MAML2: variants seen among roughly 807,000 people sequenced by gnomAD.
The protein encoded by MAML2 is mastermind like transcriptional coactivator 2.
MAML2 carries 22 observed loss-of-function variants against 96.1 expected under a neutral mutation model. The ratio of observed to expected loss-of-function variants is 0.23; its 90% CI spans 0.16 to 0.33. MAML2 has a LOEUF of 0.33. MAML2 is among the 10% of genes least tolerant of loss of function. The pLI, the probability that MAML2 is intolerant of heterozygous loss-of-function variation, is 1.00. For missense variants in MAML2, 1,367 were observed against 1,392.4 expected (o/e 0.98, Z 0.29); for synonymous variants, 561 against 521.3 (o/e 1.08, Z -1.04).
At chr11:96,198,404 A>G (rs565877901) in intron 1 of MAML2, among the ~76,000 whole-genome samples, 12 of 152,296 alleles carry the variant, frequency 7.9e-5, no homozygotes, top group East Asian at 3.9e-4. Flanking sequence ...TGTCCTCCCT[A>G]TGTCTTTTCT....
At chr11:96,322,005 T>C (rs1195002379) in intron 1 of MAML2, among the ~76,000 whole-genome samples, 1 of 152,152 alleles carries the variant, frequency 6.6e-6, no homozygotes, top group East Asian at 1.9e-4. Context: ...ACAGCTAAAT[T>C]GCTTTTGGTA....
intron 2 of MAML2, among the ~76,000 whole-genome samples, chr11:96,081,535 C>T (rs575032905): frequency 6.6e-6 from 1 of 152,202 alleles, no homozygotes; most frequent in South Asian, 2.1e-4. Context: ...CTTCTGTATT[C>T]CCACATTCTT....
chr11:96,093,668 G>T, intron 1 of MAML2, 151 bp from the exon 2 acceptor site: 1 of 614,820 alleles, frequency 1.6e-6, no homozygotes, highest in Non-Finnish European at 2.8e-6. Context: ...CACAAATGAA[G>T]CACAATCTGG....
intron 1 of MAML2, among the ~76,000 whole-genome samples, chr11:96,240,109 C>T (rs1281963957): frequency 6.6e-6 from 1 of 152,128 alleles, no homozygotes; most frequent in Non-Finnish European, 1.5e-5. Context: ...AAGACAAAAG[C>T]TAAACAAAAG....
chr11:96,280,200 G>C (rs1863045323), intron 1 of MAML2, among the ~76,000 whole-genome samples: 1 of 152,084 alleles, frequency 6.6e-6, no homozygotes, highest in Admixed American at 6.5e-5. Context: ...CTGTGTAGTT[G>C]GTAGGTGGAA....
Position 96,341,589 on chromosome 11 carries a change from T to C in MAML2, c.307A>G (p.Thr103Ala). The C allele has an allele frequency of 1.9e-6, 3 of 1,551,544 alleles. No homozygotes were observed. The highest frequency in any genetic ancestry group is 2.6e-6 in the Non-Finnish European group (3 of 1,147,030). Residue 103 changes from threonine (T) to alanine (A), a missense_variant, in exon 1 of 5, where the codon ACA (threonine) becomes GCA (alanine). Coordinates refer to ENST00000524717, the MANE Select transcript of MAML2 (RefSeq NM_032427.4). ...TKATATAATTTAPPPPPAAPP... is the reference protein window; with the variant it reads ...TKATATAATTAAPPPPPAAPP... ...GCAGCAGGGGGCGGTGGAGGGGCTG[T>C]AGTGGTGGCAGCAGTGGCGGTGGCC...
chr11:96,299,044 C>CAAAAAA (rs71040142), intron 1 of MAML2, among the ~76,000 whole-genome samples: 3 of 80,810 alleles, frequency 3.7e-5, no homozygotes, highest in African/African-American at 1.6e-4. Context: ...GAGTCCATCT[C>CAAAAAA]AAAAAAAAAA....
chr11:95,993,146 G>A (rs1591081138), intron 2 of MAML2, among the ~76,000 whole-genome samples: 1 of 150,712 alleles, frequency 6.6e-6, no homozygotes, highest in African/African-American at 2.4e-5. Flanking sequence ...AAGGGCTCAA[G>A]TGATCCTAGA....
At chr11:96,262,603 G>A (rs909926202) in intron 1 of MAML2, among the ~76,000 whole-genome samples, 5 of 152,094 alleles carry the variant, frequency 3.3e-5, no homozygotes, top group Non-Finnish European at 5.9e-5. Context: ...GAGTAGCTGG[G>A]ACTACAGGCA....
intron 1 of MAML2, among the ~76,000 whole-genome samples, chr11:96,331,520 G>A (rs916540984): frequency 6.6e-6 from 1 of 151,982 alleles, no homozygotes; most frequent in Non-Finnish European, 1.5e-5. Flanking sequence ...TTTAAGGCCA[G>A]GCGCAGTGCC....
rs1278423657 is a variant in MAML2, at chr11:96,113,734, A to T, written c.514-20217T>A. ...AATCCAGGGTGTTTGGCCCCTAGGG[A>T]ACATAGACTACTCTCTCCCCCATCT... On this transcript the variant is annotated intron_variant, in intron 1 of 4. Coordinates refer to ENST00000524717, the MANE Select transcript of MAML2 (RefSeq NM_032427.4). Among the ~76,000 whole-genome samples the T allele has an allele frequency of 9.9e-5, 15 of 152,144 alleles. No homozygotes were observed. In the East Asian group the frequency reaches 2.9e-3, roughly 29 times the overall value.
intron 1 of MAML2, among the ~76,000 whole-genome samples, chr11:96,316,911 A>C (rs1025938510): frequency 1.3e-5 from 2 of 151,994 alleles, no homozygotes; most frequent in Non-Finnish European, 2.9e-5. Context: ...AAATGATCCA[A>C]TGGCACATAG....
intron 1 of MAML2, among the ~76,000 whole-genome samples, chr11:96,215,270 G>A (rs1766211773): frequency 6.6e-6 from 1 of 152,304 alleles, no homozygotes; most frequent in Non-Finnish European, 1.5e-5. Context: ...GCTGGGGCAG[G>A]TTGCTGGGTT....
At chr11:96,071,651 T>C (rs1276616063) in intron 2 of MAML2, among the ~76,000 whole-genome samples, 1 of 152,266 alleles carries the variant, frequency 6.6e-6, no homozygotes, top group Non-Finnish European at 1.5e-5. Flanking sequence ...GAATCTGGTC[T>C]TGATGTTCTG....
intron 1 of MAML2, among the ~76,000 whole-genome samples, chr11:96,228,975 A>C (rs149010933): frequency 6.6e-6 from 1 of 150,610 alleles, no homozygotes; most frequent in Non-Finnish European, 1.5e-5. Context: ...AGTTGAACAA[A>C]AAAAAAATGC....
chr11:96,264,842 A>G (rs1862804438), intron 1 of MAML2, among the ~76,000 whole-genome samples: 1 of 152,200 alleles, frequency 6.6e-6, no homozygotes, highest in Admixed American at 6.5e-5. Flanking sequence ...AGCATATCTT[A>G]TTTCGGCATA....
In MAML2 at chr11:96,092,665, G is replaced by T; in HGVS notation, c.1366C>A (p.His456Asn). The change falls in exon 2 of 5, where the codon CAC (histidine) becomes AAC (asparagine). Residue 456 changes from histidine (H) to asparagine (N), a missense_variant. By Grantham distance (68) the His-to-Asn change is moderately conservative. Transcript: ENST00000524717. The surrounding 1 kb of genome is among the most constrained non-coding windows in gnomAD (Gnocchi z 4.1). ...HARMQQHQQQ[H>N]QPTNWSALPS... ...AAGGCTGACCAGTTGGTAGGCTGGT[G>T]CTGCTGCTGGTGCTGCTGCATCCGG... 6.2e-7 allele frequency: 1 copy of T among 1,612,366 alleles called. No individual in the cohort carries two copies. Among genetic ancestry groups the T allele is most frequent in the Non-Finnish European group, 8.5e-7 (1 of 1,178,524 alleles).
At chr11:96,276,062 G>A (rs1021855765) in intron 1 of MAML2, among the ~76,000 whole-genome samples, 2 of 152,160 alleles carry the variant, frequency 1.3e-5, no homozygotes, top group Non-Finnish European at 2.9e-5. Context: ...ACATGCTTGT[G>A]CCTGAGGGGA....
chr11:96,271,958 G>C (rs1208574068), intron 1 of MAML2, among the ~76,000 whole-genome samples: 1 of 152,050 alleles, frequency 6.6e-6, no homozygotes, highest in Non-Finnish European at 1.5e-5. Context: ...GCATTCCAGG[G>C]ATACTCCTGT....
Sources: gnomAD v4.1 joint callset for allele counts (sites outside exome capture counted in the v4.1 genomes callset) on GRCh38, gnomAD v4.1.1 for gene constraint, Gnocchi (gnomAD v3.1) non-coding constraint, MANE v1.5 for transcripts, NCBI Gene and HGNC (gene_info 2026-07-23, HGNC 2026-07-21) for gene names.